TPRG1: variants seen among roughly 807,000 people sequenced by gnomAD.
TPRG1 encodes the protein tumor protein p63 regulated 1, also known as tumor protein p63-regulated gene 1 protein.
A neutral mutation model predicts 29.3 loss-of-function variants in TPRG1; 29 were observed. The ratio of observed to expected loss-of-function variants is 0.99; its 90% CI spans 0.74 to 1.35. The LOEUF (loss-of-function observed/expected upper bound fraction) is 1.35. TPRG1 is among the 40% of genes most tolerant of loss of function. The pLI, the probability that TPRG1 is intolerant of heterozygous loss-of-function variation, is 0.00. For missense variants in TPRG1, 327 were observed against 335.0 expected (o/e 0.98, Z 0.19); for synonymous variants, 130 against 116.8 (o/e 1.11, Z -0.73).
chr3:189,314,081 TGAA>T (rs951396102), intron 5 of TPRG1, among the ~76,000 whole-genome samples: 1 of 152,306 alleles, frequency 6.6e-6, no homozygotes, highest in African/African-American at 2.4e-5. Context: ...TTGAAGATGA[TGAA>T]GAAGTCAAAG....
At chr3:189,112,100 G>T (rs143519412) in intron 1 of TPRG1, among the ~76,000 whole-genome samples, 1 of 151,930 alleles carries the variant, frequency 6.6e-6, no homozygotes, top group Admixed American at 6.6e-5. Context: ...GATGAATTAC[G>T]CTAACTGATA....
chr3:189,131,772 A>G (rs963396607), intron 2 of TPRG1, among the ~76,000 whole-genome samples: 1 of 152,206 alleles, frequency 6.6e-6, no homozygotes, highest in Middle Eastern at 3.2e-3. Flanking sequence ...CCAGAGGCAT[A>G]TTATTATGCT....
At chr3:189,158,072 T>A (rs1373461597) in intron 5 of TPRG1, among the ~76,000 whole-genome samples, 1 of 152,260 alleles carries the variant, frequency 6.6e-6, no homozygotes, top group Non-Finnish European at 1.5e-5. Flanking sequence ...ACAAAGATTC[T>A]GGCCAAATCT....
At position 189,230,429 on chromosome 3, in the gene TPRG1, A is replaced by C. The variant is rs79209274; in HGVS notation, c.303-8304A>C. On this transcript the variant is annotated intron_variant, in intron 3 of 5. Transcript: ENST00000345063. ...CCATTTCACATGAAAAATAGTCATA[A>C]ATTGCAAAAAAAAAATGTGTTGTGT... Among the ~76,000 whole-genome samples, 525 of 151,742 alleles carry C rather than the reference A, an allele frequency of 3.5e-3. 3 individuals are homozygous for C. The highest frequency in any genetic ancestry group is 0.012 in the African/African-American group (503 of 41,254).
intron 4 of TPRG1, among the ~76,000 whole-genome samples, chr3:189,032,333 C>T (rs1382275616): frequency 6.6e-6 from 1 of 152,132 alleles, no homozygotes; most frequent in Non-Finnish European, 1.5e-5. Flanking sequence ...CCCCTAGGGC[C>T]TCCAGAAAGA....
chr3:189,185,650 A>T (rs1730826638), intron 1 of TPRG1, among the ~76,000 whole-genome samples: 1 of 152,192 alleles, frequency 6.6e-6, no homozygotes, highest in Admixed American at 6.5e-5. Context: ...AGTAAGAATA[A>T]TCCAGAAGCC....
chr3:189,283,125 G>A (rs530321209), intron 4 of TPRG1, among the ~76,000 whole-genome samples: 1 of 152,272 alleles, frequency 6.6e-6, no homozygotes, highest in South Asian at 2.1e-4. Context: ...GAGTTACGTA[G>A]CCCATAATTT....
chr3:189,047,767 AC>A, intron 4 of TPRG1, among the ~76,000 whole-genome samples: 1 of 152,308 alleles, frequency 6.6e-6, no homozygotes, highest in East Asian at 1.9e-4. Context: ...ATTTCAAGAA[AC>A]AACTTTCTTT....
chr3:189,297,953 C>T (rs571028121), intron 4 of TPRG1, among the ~76,000 whole-genome samples: 53 of 152,208 alleles, frequency 3.5e-4, no homozygotes, highest in African/African-American at 1.1e-3. Context: ...CCCAGGTCTC[C>T]GTCTGAACTA....
intron 4 of TPRG1, among the ~76,000 whole-genome samples, chr3:189,250,859 C>T (rs1334182569): frequency 6.6e-6 from 1 of 151,678 alleles, no homozygotes; most frequent in Non-Finnish European, 1.5e-5. Context: ...GTTTGACCTT[C>T]AACACCCAGG....
chr3:188,999,275 G>C (rs1167789475), intron 1 of TPRG1, among the ~76,000 whole-genome samples: 1 of 152,172 alleles, frequency 6.6e-6, no homozygotes, highest in Non-Finnish European at 1.5e-5. Flanking sequence ...TAAATGGGGT[G>C]GTGGTGAGGG....
intron 5 of TPRG1, among the ~76,000 whole-genome samples, chr3:189,155,221 G>A (rs1053248923): frequency 1.3e-5 from 2 of 152,156 alleles, no homozygotes; most frequent in African/African-American, 2.4e-5. Flanking sequence ...TGACATTATT[G>A]GAATTACATT....
At chr3:189,304,761 T>G (rs1357185433) in intron 4 of TPRG1, among the ~76,000 whole-genome samples, 1 of 152,184 alleles carries the variant, frequency 6.6e-6, no homozygotes, top group African/African-American at 2.4e-5. Flanking sequence ...AGCAAGAGAC[T>G]AACATTTCAT....
intron 2 of TPRG1, among the ~76,000 whole-genome samples, chr3:189,209,025 T>C (rs1734851231): frequency 1.3e-5 from 2 of 152,220 alleles, no homozygotes; most frequent in Admixed American, 1.3e-4. Flanking sequence ...CAAACTGGAA[T>C]GTCTGGTGAC....
chr3:189,286,559 A>G (rs946426034), intron 4 of TPRG1, among the ~76,000 whole-genome samples: 21 of 152,112 alleles, frequency 1.4e-4, no homozygotes, highest in African/African-American at 3.9e-4. Flanking sequence ...AGCAGGATCA[A>G]TCAGATTCTC....
chr3:189,292,485 A>G (rs1206262262), intron 4 of TPRG1, among the ~76,000 whole-genome samples: 2 of 152,076 alleles, frequency 1.3e-5, no homozygotes, highest in African/African-American at 4.8e-5. Context: ...TTCCCTGTCT[A>G]TGAAATGGAA....
chr3:189,198,317 T>C (rs556966992), intron 1 of TPRG1, among the ~76,000 whole-genome samples: 22 of 152,290 alleles, frequency 1.4e-4, no homozygotes, highest in Non-Finnish European at 7.3e-5. Flanking sequence ...CTCACCATCT[T>C]CTGTCTCTAT....
Position 189,216,759 on chromosome 3 carries a change from C to T in TPRG1, c.302+1376C>T, listed in dbSNP as rs1439030691. ...TACCTCTAATGAAAAGAAAACTCTG[C>T]AATTCAGGCTTTTTCCTAATTCACT... On this transcript the variant is annotated intron_variant, in intron 3 of 5. Coordinates refer to ENST00000345063, the MANE Select transcript of TPRG1 (RefSeq NM_198485.4). Among the ~76,000 whole-genome samples, 14 of 152,324 alleles carry T rather than the reference C, an allele frequency of 9.2e-5. No homozygotes were observed. The East Asian group carries it at 2.7e-3, about 29-fold the overall frequency.
chr3:189,152,276 T>G (rs1427448697), intron 5 of TPRG1, among the ~76,000 whole-genome samples: 1 of 152,204 alleles, frequency 6.6e-6, no homozygotes, highest in Non-Finnish European at 1.5e-5. Flanking sequence ...GAGTTTTCCT[T>G]CAAGTCACAC....
Sources: gnomAD v4.1 joint callset for allele counts (sites outside exome capture counted in the v4.1 genomes callset) on GRCh38, gnomAD v4.1.1 for gene constraint, MANE v1.5 for transcripts, NCBI Gene and HGNC (gene_info 2026-07-23, HGNC 2026-07-21) for gene names.